DNMT3A: variants seen among roughly 807,000 people sequenced by gnomAD.
DNMT3A encodes the protein DNA (cytosine-5)-methyltransferase 3A.
A neutral mutation model predicts 117.6 loss-of-function variants in DNMT3A; 267 were observed. That is an observed-to-expected ratio of 2.27 (90% CI 2.05 to 2.51). The LOEUF is 2.51. DNMT3A is among the 30% of genes most tolerant of loss of function. DNMT3A has a pLI of 0.00. For missense variants in DNMT3A, 1,029 were observed against 1,260.2 expected, an observed-to-expected ratio of 0.82 and a Z score of 2.78; for synonymous variants, 432 against 474.8, an observed-to-expected ratio of 0.91 and a Z score of 1.17.
At chr2:25,325,967 G>T (rs557747312) in intron 1 of DNMT3A, among the ~76,000 whole-genome samples, 1 of 152,206 alleles carries the variant, frequency 6.6e-6, no homozygotes, top group Admixed American at 6.5e-5. Context: ...ACCTGCTAAG[G>T]CTCTGGCTGA....
intron 1 of DNMT3A, among the ~76,000 whole-genome samples, chr2:25,321,333 A>C (rs1221441101): frequency 6.6e-6 from 1 of 152,156 alleles, no homozygotes; most frequent in African/African-American, 2.4e-5. Context: ...CTCCAAAGCC[A>C]GCGATGGCCA....
At chr2:25,249,376 C>G (rs1305201058) in intron 6 of DNMT3A, among the ~76,000 whole-genome samples, 2 of 152,208 alleles carry the variant, frequency 1.3e-5, no homozygotes, top group Admixed American at 1.3e-4. Context: ...AAGAGCCCAT[C>G]TCCCCCCAGC....
At chr2:25,285,374 CAG>C (rs764561473) in intron 3 of DNMT3A, among the ~76,000 whole-genome samples, 2 of 152,204 alleles carry the variant, frequency 1.3e-5, no homozygotes, top group African/African-American at 2.4e-5. Flanking sequence ...AAAACAAAAC[CAG>C]AGTCTTCTCA....
At chr2:25,239,341 C>A in intron 19 of DNMT3A, 126 bp from the exon 20 acceptor site, 1 of 791,950 alleles carries the variant, frequency 1.3e-6, no homozygotes, top group Non-Finnish European at 2.2e-6. Context: ...ACACACTGGG[C>A]TAGCCTGCAG....
chr2:25,327,219 AG>A lies in DNMT3A; in HGVS notation c.-177-13059del, dbSNP rs898168342. Among the ~76,000 whole-genome samples the A allele has an allele frequency of 6.6e-6, 1 of 152,222 alleles. No homozygotes were observed. Among genetic ancestry groups the A allele is most frequent in the African/African-American group, 2.4e-5 (1 of 41,446 alleles). Reference sequence around the variant, plus strand: ...AATTCCTCATTATTCCAATCCAATTAGAGTTAATAATTCGTTATGTGAAACT... The same window carrying A: ...AATTCCTCATTATTCCAATCCAATTAAGTTAATAATTCGTTATGTGAAACT... On this transcript the variant is annotated intron_variant, in intron 1 of 22. Transcript: ENST00000321117. The surrounding 1 kb of genome is among the most constrained non-coding windows in gnomAD (Gnocchi z 4.1).
chr2:25,340,730 T>TGCGTGAGTGTGTCC (rs2035388781), intron 1 of DNMT3A, among the ~76,000 whole-genome samples: 1 of 151,440 alleles, frequency 6.6e-6, no homozygotes, highest in African/African-American at 2.4e-5. Flanking sequence ...GGGGTGCGTG[T>TGCGTGAGTGTGTCC]GCGTGAGTGT....
chr2:25,334,635 G>A (rs1343119065), intron 1 of DNMT3A, among the ~76,000 whole-genome samples: 1 of 152,256 alleles, frequency 6.6e-6, no homozygotes, highest in Non-Finnish European at 1.5e-5. Context: ...ATCCTATAAA[G>A]CTAACTTTGT....
At chr2:25,329,793 T>C (rs2034945882) in intron 1 of DNMT3A, among the ~76,000 whole-genome samples, 1 of 151,008 alleles carries the variant, frequency 6.6e-6, no homozygotes, top group Admixed American at 6.6e-5. Context: ...GGCGCACAGG[T>C]TCACACACGC....
intron 6 of DNMT3A, among the ~76,000 whole-genome samples, chr2:25,272,655 G>C (rs966949439): frequency 2.6e-5 from 4 of 152,134 alleles, no homozygotes; most frequent in Non-Finnish European, 4.4e-5. Context: ...AACATTCCAC[G>C]CACAGGGGTA....
chr2:25,309,746 G>A (rs1573473363), intron 2 of DNMT3A, among the ~76,000 whole-genome samples: 2 of 152,146 alleles, frequency 1.3e-5, no homozygotes, highest in Non-Finnish European at 2.9e-5. Flanking sequence ...TACCTTATGC[G>A]GCAATTGTAA....
At chr2:25,289,651 G>A (rs139738833) in intron 3 of DNMT3A, among the ~76,000 whole-genome samples, 286 of 152,296 alleles carry the variant, frequency 1.9e-3, no homozygotes, top group Non-Finnish European at 3.5e-3. Flanking sequence ...TCAGAAAAGC[G>A]CAAGCTCACA....
At position 25,329,693 on chromosome 2, in the gene DNMT3A, A is replaced by C. The variant is rs1329700635; in HGVS notation, c.-178+12133T>G. On this transcript the variant is annotated intron_variant, in intron 1 of 22. Transcript: ENST00000321117. ...AGACCCCACACACACACACACACACACACACACACACACACACACAGACAC... is the reference window on the plus strand; with the variant it reads ...AGACCCCACACACACACACACACACCCACACACACACACACACACAGACAC... Among the ~76,000 whole-genome samples, 70 of 149,528 alleles carry C rather than the reference A, an allele frequency of 4.7e-4. 1 individual carries two copies. Among genetic ancestry groups the C allele is most frequent in the African/African-American group, 1.8e-3 (70 of 39,250 alleles).
rs2034266937 is a variant in DNMT3A, at chr2:25,314,141, T to A, written c.-157A>T. 7.0e-7 allele frequency: 1 copy of A among 1,425,832 alleles called. No individual in the cohort carries two copies. The highest frequency in any genetic ancestry group is 1.4e-5 in the African/African-American group (1 of 69,170). The allele number at this position is 1,425,832 out of a possible 1,614,324, so 88.3% of individuals were successfully genotyped here. A position where few individuals can be genotyped will look rare whatever the true frequency, so the allele number is the denominator to read the frequency against. On this transcript the variant is annotated 5_prime_UTR_variant, in exon 2 of 23. Coordinates refer to ENST00000321117, the MANE Select transcript of DNMT3A (RefSeq NM_022552.5). ...AACGGTGCCTCTGTCAGCCTGTGGG[T>A]GGGGGCTTCGATGGCTCCACCTGTG... is the stretch of plus-strand genomic sequence containing the variant.
intron 6 of DNMT3A, chr2:25,251,993 T>C: frequency 3.2e-6 from 2 of 622,358 alleles, no homozygotes; most frequent in Non-Finnish European, 5.2e-6. Context: ...GAGTGGGGCC[T>C]TGGGGCTCGT....
In DNMT3A at chr2:25,281,771, A is replaced by T. The variant is rs1216062858; in HGVS notation, c.448+670T>A. The T allele has an allele frequency of 6.6e-6, 7 of 1,065,900 alleles. No individual in the cohort carries two copies. Among genetic ancestry groups the T allele is most frequent in the Non-Finnish European group, 8.0e-6 (7 of 879,708 alleles). The allele number at this position is 1,065,900 out of a possible 1,614,324, so 66.0% of individuals were successfully genotyped here. A position where few individuals can be genotyped will look rare whatever the true frequency, so the allele number is the denominator to read the frequency against. On this transcript the variant is annotated intron_variant, in intron 4 of 22. Transcript: ENST00000321117. The surrounding 1 kb of genome is among the most constrained non-coding windows in gnomAD (Gnocchi z 4.8). The stretch of plus-strand genomic sequence containing the variant: ...TTAACCTGAAAGAGAAAAGTGGGCA[A>T]CTTTCCAGGCTTCCAGGGTTAGGCC...
intron 1 of DNMT3A, among the ~76,000 whole-genome samples, chr2:25,315,523 T>C (rs2034337370): frequency 6.6e-6 from 1 of 152,218 alleles, no homozygotes; most frequent in Non-Finnish European, 1.5e-5. Context: ...TAAGGAAGGT[T>C]TGCTGCCCGG....
In DNMT3A at chr2:25,236,096, C is replaced by T. The variant is rs541724046; in HGVS notation, c.2479-271G>A. On this transcript the variant is annotated intron_variant, in intron 21 of 22. Coordinates refer to ENST00000321117, the MANE Select transcript of DNMT3A (RefSeq NM_022552.5). The surrounding 1 kb of genome is among the most constrained non-coding windows in gnomAD (Gnocchi z 4.5). ...TTTTTTTTTTTTTGAGACGGAGTCT[C>T]GCTCTGTCACCCAGGCTGGACTGCA... 6.0e-5 allele frequency among the ~76,000 whole-genome samples: 9 copies of T among 150,960 alleles called. No homozygotes were observed. The highest frequency in any genetic ancestry group is 1.3e-4 in the Admixed American group (2 of 15,196).
chr2:25,263,166 G>A (rs2149347041), intron 6 of DNMT3A, among the ~76,000 whole-genome samples: 1 of 152,074 alleles, frequency 6.6e-6, no homozygotes, highest in African/African-American at 2.4e-5. Flanking sequence ...GAACTCCTGG[G>A]CTCAAGCAAT....
intron 1 of DNMT3A, among the ~76,000 whole-genome samples, chr2:25,315,529 C>T (rs2034337474): frequency 6.6e-6 from 1 of 152,242 alleles, no homozygotes; most frequent in Non-Finnish European, 1.5e-5. Context: ...AGGTTTGCTG[C>T]CCGGGTCCCG....
Sources: allele counts gnomAD v4.1 joint callset (sites outside exome capture counted in the v4.1 genomes callset), GRCh38; gene constraint gnomAD v4.1.1; non-coding constraint Gnocchi (gnomAD v3.1); transcripts MANE v1.5; gene names NCBI Gene and HGNC (gene_info 2026-07-23, HGNC 2026-07-21).